The following BRSK1 variants were observed in gnomAD, a reference collection of about 807,000 sequenced individuals.
The protein encoded by BRSK1 is BR serine/threonine kinase 1, also known as serine/threonine-protein kinase BRSK1.
In BRSK1, 17 loss-of-function variants were observed where a neutral mutation model predicts 86.2. The ratio of observed to expected loss-of-function variants is 0.20; its 90% CI spans 0.14 to 0.30. The LOEUF (loss-of-function observed/expected upper bound fraction) is 0.30. BRSK1 is among the 10% of genes least tolerant of loss of function. The pLI is 1.00. For synonymous variants in BRSK1, 464 were observed against 440.1 expected, an observed-to-expected ratio of 1.05 and a Z score of -0.68; for missense variants, 719 against 1,071.9, an observed-to-expected ratio of 0.67 and a Z score of 4.60.
chr19:55,304,571 ACCGGAG>A lies in BRSK1; in HGVS notation c.1373_1378del (p.Glu458_Pro459del). On this transcript the variant is annotated inframe_deletion, in exon 14 of 19. Coordinates refer to ENST00000309383, the MANE Select transcript of BRSK1 (RefSeq NM_032430.2). This position sits in a 1 kb window ranked among gnomAD's most constrained non-coding sequence, Gnocchi z 5.2. ...TGCAGAGTCCGGTCTTTTCCTTTTC[ACCGGAG>A]CCGGGGGCTGGAGATGAGGCTCGAG... 6.3e-7 allele frequency: 1 copy of A among 1,583,832 alleles called. No homozygotes were observed. Among genetic ancestry groups the A allele is most frequent in the Non-Finnish European group, 8.6e-7 (1 of 1,167,578 alleles).
chr19:55,308,162 A>C (rs1466894546), intron 17 of BRSK1, among the ~76,000 whole-genome samples: 1 of 151,462 alleles, frequency 6.6e-6, no homozygotes, highest in Non-Finnish European at 1.5e-5. Context: ...CTGGGATTAC[A>C]GGCATGCGTC....
chr19:55,284,275 C>T lies in BRSK1; in HGVS notation c.-168C>T, dbSNP rs1340413255. 4 of 540,986 alleles carry T rather than the reference C, an allele frequency of 7.4e-6. No homozygotes were observed. Among genetic ancestry groups the T allele is most frequent in the Admixed American group, 4.6e-5 (1 of 21,976 alleles). 33.5% of individuals were successfully genotyped at this position (540,986 alleles called of 1,614,324 possible). A position where few individuals can be genotyped will look rare whatever the true frequency, so the allele number is the denominator to read the frequency against. ...GCCAGCCCCCCCTCCCCCAGCTCCG[C>T]GGCCCGCCGACTGGGGGGGGCCAGC... On this transcript the variant is annotated 5_prime_UTR_variant, in exon 1 of 19. Coordinates refer to ENST00000309383, the MANE Select transcript of BRSK1 (RefSeq NM_032430.2).
intron 7 of BRSK1, among the ~76,000 whole-genome samples, chr19:55,300,431 G>A (rs149267652): frequency 0.013 from 2,020 of 152,294 alleles, 58 homozygotes; most frequent in African/African-American, 0.046. Flanking sequence ...GACCAGGTGC[G>A]GTGGCTCACA....
Position 55,284,504 on chromosome 19 carries a change from ACC to A in BRSK1, c.66_67del (p.His23ProfsTer26). 1 of 417,136 alleles carries A rather than the reference ACC, an allele frequency of 2.4e-6. No individual in the cohort carries two copies. Among genetic ancestry groups the A allele is most frequent in the South Asian group, 4.9e-5 (1 of 20,586 alleles). The allele number at this position is 417,136 out of a possible 1,614,324, so 25.8% of individuals were successfully genotyped here. On this transcript the variant is annotated frameshift_variant, in exon 1 of 19. Transcript: ENST00000309383. LOFTEE classifies it high-confidence loss of function. ...CCCGCCTACCACCTCCCCCACCCCC[ACC>A]CCCACCCACCCCAGCACGCCCAATA...
Position 55,302,244 on chromosome 19 carries a change from A to T in BRSK1, c.857+76A>T. ...GGCCAAAGCAGTAGAAGCGGCTGGG[A>T]GGGGTGGGATGCCAGGGTTCCTGAG... On this transcript the variant is annotated intron_variant, in intron 9 of 18. Coordinates refer to ENST00000309383, the MANE Select transcript of BRSK1 (RefSeq NM_032430.2). The surrounding 1 kb of genome is among the most constrained non-coding windows in gnomAD (Gnocchi z 6.3). The T allele has an allele frequency of 3.9e-6, 6 of 1,519,424 alleles. No homozygotes were observed. The Admixed American group carries it at 5.0e-5, about 13-fold the overall frequency. 94.1% of individuals were successfully genotyped at this position (1,519,424 alleles called of 1,614,324 possible).
In BRSK1 at chr19:55,303,634, T is replaced by C. The variant is rs1487145044; in HGVS notation, c.1127-33T>C. 6.4e-7 allele frequency: 1 copy of C among 1,572,678 alleles called. No individual in the cohort carries two copies. The highest frequency in any genetic ancestry group is 8.6e-7 in the Non-Finnish European group (1 of 1,156,822). On this transcript the variant is annotated intron_variant, in intron 11 of 18. Transcript: ENST00000309383. The surrounding 1 kb of genome is among the most constrained non-coding windows in gnomAD (Gnocchi z 5.1). ...AGTTGTACACAGCTGGGTGAAACCA[T>C]CTCTTGATTGGGTTGAAACTGTTGT...
intron 3 of BRSK1, 52 bp from the exon 4 acceptor site, chr19:55,289,428 T>C: frequency 6.4e-7 from 1 of 1,566,948 alleles, no homozygotes; most frequent in Non-Finnish European, 8.6e-7. Flanking sequence ...GACCAGGCCC[T>C]TTGGTCCTCC....
At position 55,310,651 on chromosome 19, in the gene BRSK1, G is replaced by A. The variant is rs1012690153; in HGVS notation, c.2180-1260G>A. Among the ~76,000 whole-genome samples the A allele has an allele frequency of 6.6e-6, 1 of 152,140 alleles. No individual in the cohort carries two copies. Among genetic ancestry groups the A allele is most frequent in the Non-Finnish European group, 1.5e-5 (1 of 68,022 alleles). On this transcript the variant is annotated intron_variant, in intron 18 of 18. Transcript: ENST00000309383. The surrounding 1 kb of genome is among the most constrained non-coding windows in gnomAD (Gnocchi z 5.0). ...CCTCTTGTAGGTGGAGGCCAGGGATGCTGTAAAACACCCTACAATTCACAG... is the reference window on the plus strand; with the variant it reads ...CCTCTTGTAGGTGGAGGCCAGGGATACTGTAAAACACCCTACAATTCACAG...
At chr19:55,300,750 G>C (rs2088558986) in intron 7 of BRSK1, among the ~76,000 whole-genome samples, 2 of 152,138 alleles carry the variant, frequency 1.3e-5, no homozygotes, top group African/African-American at 4.8e-5. Context: ...GAGGCAGGAG[G>C]ATCGCTTGAA....
intron 7 of BRSK1, among the ~76,000 whole-genome samples, chr19:55,298,825 C>T (rs768281390): frequency 7.9e-5 from 12 of 152,172 alleles, no homozygotes; most frequent in Admixed American, 2.6e-4. Flanking sequence ...TTCCTAAGCG[C>T]GGGAGGCTGT....
At position 55,302,656 on chromosome 19, in the gene BRSK1, T is replaced by G. The variant is rs2088589128; in HGVS notation, c.858-41T>G. 1 of 1,577,234 alleles carries G rather than the reference T, an allele frequency of 6.3e-7. No homozygotes were observed. The highest frequency in any genetic ancestry group is 1.4e-5 in the African/African-American group (1 of 73,742). On this transcript the variant is annotated intron_variant, in intron 9 of 18. Coordinates refer to ENST00000309383, the MANE Select transcript of BRSK1 (RefSeq NM_032430.2). The surrounding 1 kb of genome is among the most constrained non-coding windows in gnomAD (Gnocchi z 6.3). ...AGTCTAGAATGAAGAATGCTGAATC[T>G]CAGAAGCCCGGTTCCCAATAATGTT...
chr19:55,311,815 G>A (rs980983346), intron 18 of BRSK1, 96 bp from the exon 19 acceptor site: 39 of 1,339,394 alleles, frequency 2.9e-5, no homozygotes, highest in Non-Finnish European at 3.6e-5. Context: ...GGGTTACTGA[G>A]ACCGACTGAT....
chr19:55,285,802 G>T (rs1201438283), intron 1 of BRSK1, among the ~76,000 whole-genome samples: 19 of 152,172 alleles, frequency 1.2e-4, no homozygotes, highest in Admixed American at 1.0e-3. Flanking sequence ...GCTGGCAGGA[G>T]TGGGGACCGA....
chr19:55,301,743 C>A, intron 8 of BRSK1, 85 bp downstream of exon 8: 6 of 1,472,510 alleles, frequency 4.1e-6, no homozygotes, highest in Non-Finnish European at 5.5e-6. Flanking sequence ...GATGGGTTTC[C>A]AGAACCTGCT....
intron 1 of BRSK1, among the ~76,000 whole-genome samples, chr19:55,286,551 G>A (rs905176578): frequency 1.3e-5 from 2 of 151,664 alleles, no homozygotes; most frequent in South Asian, 4.2e-4. Context: ...GGGTGGTCTG[G>A]GGAGGGGGCA....
Position 55,311,928 on chromosome 19 carries a change from C to A in BRSK1, c.2197C>A (p.Gln733Lys), listed in dbSNP as rs2088807945. 1.9e-6 allele frequency: 3 copies of A among 1,611,682 alleles called. No homozygotes were observed. Among genetic ancestry groups the A allele is most frequent in the Non-Finnish European group, 2.5e-6 (3 of 1,179,280 alleles). The change falls in exon 19 of 19, where the codon CAG becomes AAG. Residue 733 changes from glutamine to lysine, a missense_variant. Gln to Lys is a moderately conservative substitution (Grantham distance 53). This residue lies in a region of BRSK1 where 82 missense variants were observed against 72.6 expected (regional missense o/e 1.13). Coordinates refer to ENST00000309383, the MANE Select transcript of BRSK1 (RefSeq NM_032430.2). ...QALADEKNGA[Q>K]TRPAGAPPRS... ...CCTTGCAGACGAGAAGAACGGGGCC[C>A]AGACCCGGCCTGCTGGTGCCCCACC... is the stretch of plus-strand genomic sequence containing the variant.
chr19:55,304,558 TCTTTTC>T lies in BRSK1; in HGVS notation c.1362_1367del (p.Phe455_Ser456del). On this transcript the variant is annotated inframe_deletion, in exon 14 of 19. Transcript: ENST00000309383. The surrounding 1 kb of genome is among the most constrained non-coding windows in gnomAD (Gnocchi z 5.2). ...GTCTCCTGTCCTCTGCAGAGTCCGG[TCTTTTC>T]CTTTTCACCGGAGCCGGGGGCTGGA... 2.5e-6 allele frequency: 4 copies of T among 1,583,390 alleles called. No individual in the cohort carries two copies. The highest frequency in any genetic ancestry group is 3.4e-6 in the Non-Finnish European group (4 of 1,167,638).
chr19:55,284,532 T>C lies in BRSK1; in HGVS notation c.90T>C (p.Tyr30=). 1 of 879,714 alleles carries C rather than the reference T, an allele frequency of 1.1e-6. No individual in the cohort carries two copies. 54.5% of individuals were successfully genotyped at this position (879,714 alleles called of 1,614,324 possible). A position where few individuals can be genotyped will look rare whatever the true frequency, so the allele number is the denominator to read the frequency against. The change falls in exon 1 of 19, where the codon TAT becomes TAC. Residue 30 remains tyrosine, a synonymous_variant. Transcript: ENST00000309383. ...CCCACCCACCCCAGCACGCCCAATA[T>C]GTGGGCCCCTATCGGCTGGAGAAGA... ...PHPHPPQHAQ[Y]VGPYRLEKTL... is the part of the protein sequence containing the mutation.
Position 55,284,399 on chromosome 19 carries a change from G to C in BRSK1, c.-44G>C, listed in dbSNP as rs2122918685. ...CCGGAGAGACGGGGCGACGGCCGCA[G>C]GGGGGGCGGCCGGGGGACCGGTCGG... is the stretch of plus-strand genomic sequence containing the variant. On this transcript the variant is annotated 5_prime_UTR_variant, in exon 1 of 19. Transcript: ENST00000309383. 3 of 1,060,332 alleles carry C rather than the reference G, an allele frequency of 2.8e-6. No individual in the cohort carries two copies. The highest frequency in any genetic ancestry group is 3.6e-6 in the Non-Finnish European group (3 of 824,740). 65.7% of individuals were successfully genotyped at this position (1,060,332 alleles called of 1,614,324 possible).
Sources: allele counts gnomAD v4.1 joint callset (sites outside exome capture counted in the v4.1 genomes callset), GRCh38; gene constraint gnomAD v4.1.1; regional missense constraint gnomAD v4.1.1; non-coding constraint Gnocchi (gnomAD v3.1); transcripts MANE v1.5; gene names NCBI Gene and HGNC (gene_info 2026-07-23, HGNC 2026-07-21).